BMPER: variants seen among roughly 807,000 people sequenced by gnomAD.
BMPER encodes the protein BMP-binding endothelial regulator protein.
In BMPER, 45 loss-of-function variants were observed where a neutral mutation model predicts 87.3. The ratio of observed to expected loss-of-function variants is 0.52; its 90% confidence interval spans 0.41 to 0.66. BMPER has a LOEUF of 0.66. Among genes scored for constraint, BMPER ranks in the 30% least tolerant of loss-of-function variants. The probability of loss-of-function intolerance (pLI) is 0.00; values close to 1 mark genes in which losing one functional copy is unlikely to be tolerated. For missense variants in BMPER, 784 were observed against 867.5 expected (o/e 0.90, Z 1.21); for synonymous variants, 326 against 316.2 (o/e 1.03, Z -0.33).
chr7:34,132,245 A>G (rs539279321), intron 13 of BMPER, among the ~76,000 whole-genome samples: 2 of 152,260 alleles, frequency 1.3e-5, no homozygotes, highest in South Asian at 4.1e-4. Context: ...CCAGCCCTGT[A>G]CTTACTGGAG....
At chr7:34,048,411 G>T (rs1341133315) in intron 7 of BMPER, among the ~76,000 whole-genome samples, 1 of 152,060 alleles carries the variant, frequency 6.6e-6, no homozygotes, top group African/African-American at 2.4e-5. Context: ...AAGCAGAATT[G>T]CTTAGACATG....
At chr7:33,984,676 CTGTCTAAGAAGCAGATG>C (rs1360985297) in intron 6 of BMPER, among the ~76,000 whole-genome samples, 4 of 152,262 alleles carry the variant, frequency 2.6e-5, no homozygotes, top group Non-Finnish European at 1.5e-5. Context: ...TTTCTCTTAT[CTGTCTAAGAAGCAGATG>C]TGTTTATAGA....
intron 6 of BMPER, among the ~76,000 whole-genome samples, chr7:34,010,781 A>G (rs1298612646): frequency 1.3e-5 from 2 of 151,924 alleles, no homozygotes; most frequent in Non-Finnish European, 2.9e-5. Flanking sequence ...ACATTTATGA[A>G]ATCTGAACTT....
chr7:33,991,201 C>G (rs1786205946), intron 6 of BMPER, among the ~76,000 whole-genome samples: 1 of 150,252 alleles, frequency 6.7e-6, no homozygotes, highest in Admixed American at 6.7e-5. Flanking sequence ...GTACCAGTTC[C>G]TCCTTGTACC....
chr7:33,977,115 G>A (rs988371451), intron 6 of BMPER, among the ~76,000 whole-genome samples: 1 of 152,172 alleles, frequency 6.6e-6, no homozygotes, highest in Non-Finnish European at 1.5e-5. Context: ...CTTGCTTGAA[G>A]GTAGGACATT....
intron 6 of BMPER, among the ~76,000 whole-genome samples, chr7:33,994,449 A>G (rs1226999031): frequency 1.3e-5 from 2 of 152,112 alleles, no homozygotes; most frequent in African/African-American, 4.8e-5. Flanking sequence ...TGCGCTTCCC[A>G]AGTGAGGCAA....
intron 11 of BMPER, among the ~76,000 whole-genome samples, chr7:34,075,686 T>A (rs1000872157): frequency 6.6e-6 from 1 of 152,128 alleles, no homozygotes; most frequent in African/African-American, 2.4e-5. Context: ...TCCAGAAGAG[T>A]GTGACTGGAC....
intron 3 of BMPER, among the ~76,000 whole-genome samples, chr7:33,945,005 G>A (rs1784852001): frequency 6.7e-6 from 1 of 150,030 alleles, no homozygotes; most frequent in African/African-American, 2.5e-5. Flanking sequence ...GCAGTGGCAC[G>A]ATCTTGGCTC....
intron 6 of BMPER, among the ~76,000 whole-genome samples, chr7:33,998,839 C>G (rs1786496464): frequency 6.6e-6 from 1 of 152,204 alleles, no homozygotes; most frequent in Non-Finnish European, 1.5e-5. Flanking sequence ...AGAGGCCAGT[C>G]TAATTTAGAA....
rs143981792 is a variant in BMPER at position 34,078,599 on chromosome 7, A to G, written c.1079-258A>G. On this transcript the variant is annotated intron_variant, in intron 11 of 14. Coordinates refer to ENST00000649409, the MANE Select transcript of BMPER (RefSeq NM_001365308.1). ...TTCCCTACGTTAAGATCATGGAAGC[A>G]TATCTAGGCTACAAAATAGGCATGC... Among the ~76,000 whole-genome samples, 95 of 152,350 alleles carry G rather than the reference A, an allele frequency of 6.2e-4. 3 individuals carry two copies. The East Asian group carries it at 0.017, about 28-fold the overall frequency.
intron 6 of BMPER, among the ~76,000 whole-genome samples, chr7:34,029,344 G>T (rs1162264295): frequency 6.6e-6 from 1 of 152,016 alleles, no homozygotes; most frequent in Non-Finnish European, 1.5e-5. Flanking sequence ...TCAGCGTTGG[G>T]GGACCAGGCT....
chr7:34,046,202 C>CCTAATACTA (rs1787959905), intron 6 of BMPER, 104 bp from the exon 7 acceptor site: 1 of 1,078,246 alleles, frequency 9.3e-7, no homozygotes, highest in Non-Finnish European at 1.4e-6. Flanking sequence ...AGTCTAGGGA[C>CCTAATACTA]CTAATACTAT....
At chr7:34,028,965 G>C (rs113622742) in intron 6 of BMPER, among the ~76,000 whole-genome samples, 97 of 152,084 alleles carry the variant, frequency 6.4e-4, no homozygotes, top group African/African-American at 2.2e-3. Flanking sequence ...ATTAGAATTT[G>C]GAAAAGTGAT....
At chr7:33,980,548 A>G (rs1785823918) in intron 6 of BMPER, among the ~76,000 whole-genome samples, 1 of 152,214 alleles carries the variant, frequency 6.6e-6, no homozygotes, top group Admixed American at 6.5e-5. Context: ...ACCTGTCTTC[A>G]ATGTTGTGAG....
chr7:33,944,733 G>A (rs1784844147), intron 3 of BMPER, among the ~76,000 whole-genome samples: 1 of 151,992 alleles, frequency 6.6e-6, no homozygotes, highest in Admixed American at 6.6e-5. Context: ...ACTTATCTAC[G>A]TGAGCTACTT....
Position 34,024,357 on chromosome 7 carries a change from C to CAAAAAAAAAAAAAAAAAAA in BMPER, c.577-21942_577-21924dup, listed in dbSNP as rs1169634357. ...TGGGTGACAGAGCGAAACTCTGTCT[C>CAAAAAAAAAAAAAAAAAAA]AAAAAAAAAAAAAAAAAAAAAAAAA... On this transcript the variant is annotated intron_variant, in intron 6 of 14. Coordinates refer to ENST00000649409, the MANE Select transcript of BMPER (RefSeq NM_001365308.1). Among the ~76,000 whole-genome samples the CAAAAAAAAAAAAAAAAAAA allele has an allele frequency of 4.3e-4, 2 of 4,656 alleles. 1 individual carries two copies. Among genetic ancestry groups the CAAAAAAAAAAAAAAAAAAA allele is most frequent in the African/African-American group, 2.3e-3 (2 of 866 alleles). The allele number at this position is 4,656 out of a possible 152,430, so 3.1% of individuals were successfully genotyped here.
intron 11 of BMPER, among the ~76,000 whole-genome samples, chr7:34,064,343 T>C (rs1356016753): frequency 6.6e-6 from 1 of 152,170 alleles, no homozygotes; most frequent in African/African-American, 2.4e-5. Flanking sequence ...TTGAATTATC[T>C]GACTTTATTT....
chr7:34,008,369 A>C (rs527756185), intron 6 of BMPER, among the ~76,000 whole-genome samples: 52 of 151,872 alleles, frequency 3.4e-4, no homozygotes, highest in Non-Finnish European at 6.5e-4. Flanking sequence ...TTTTAATTTT[A>C]AGTTGTTAAA....
intron 6 of BMPER, among the ~76,000 whole-genome samples, chr7:34,037,363 G>A (rs1005164248): frequency 3.7e-4 from 57 of 152,126 alleles, no homozygotes; most frequent in African/African-American, 1.3e-3. Flanking sequence ...GGCTGGACCT[G>A]CTCACTTGTG....
Sources: allele counts gnomAD v4.1 joint callset (sites outside exome capture counted in the v4.1 genomes callset), GRCh38; gene constraint gnomAD v4.1.1; transcripts MANE v1.5; gene names NCBI Gene and HGNC (gene_info 2026-07-23, HGNC 2026-07-21).